Variants in ATRX observed in about 807,000 individuals in gnomAD.
ATRX encodes the protein chromatin remodeler ATRX.
In ATRX, 12 loss-of-function variants were observed where a neutral mutation model predicts 172.6. That is an observed-to-expected ratio of 0.07 (90% CI 0.04 to 0.11). ATRX has a LOEUF of 0.11. ATRX is among the 10% of genes least tolerant of loss of function. ATRX has a pLI of 1.00. For missense variants in ATRX, 1,368 were observed against 1,767.4 expected (o/e 0.77, Z 4.05); for synonymous variants, 674 against 594.7 (o/e 1.13, Z -1.94).
chrX:77,603,703 A>C (rs969165323), intron 22 of ATRX, among the ~76,000 whole-genome samples: 1 of 110,824 alleles, frequency 9.0e-6, no homozygotes, highest in African/African-American at 3.3e-5. Flanking sequence ...AACAAAGCTG[A>C]AGGTATCACA....
At chrX:77,614,569 G>A (rs185214002) in intron 22 of ATRX, among the ~76,000 whole-genome samples, 1 of 111,573 alleles carries the variant, frequency 9.0e-6, no homozygotes, top group East Asian at 2.8e-4. Flanking sequence ...CAAAAAGAGT[G>A]TTTTTTTAAA....
chrX:77,722,667 C>T (rs1465342585), intron 1 of ATRX, among the ~76,000 whole-genome samples: 4 of 111,562 alleles, frequency 3.6e-5, no homozygotes, highest in Non-Finnish European at 7.5e-5. Flanking sequence ...GTTAGAATGG[C>T]GAACATTAAA....
intron 1 of ATRX, among the ~76,000 whole-genome samples, chrX:77,772,373 T>A (rs1312943685): frequency 9.4e-6 from 1 of 106,748 alleles, no homozygotes; most frequent in Non-Finnish European, 1.9e-5. Context: ...GGCTCACTCT[T>A]GTAATCCCAG....
chrX:77,778,014 T>C (rs2148968105), intron 1 of ATRX, among the ~76,000 whole-genome samples: 1 of 107,930 alleles, frequency 9.3e-6, no homozygotes, highest in South Asian at 4.1e-4. Flanking sequence ...CTCACACCTG[T>C]AGTCCCAGCT....
At chrX:77,551,791 C>T (rs894186071) in intron 30 of ATRX, among the ~76,000 whole-genome samples, 2 of 111,720 alleles carry the variant, frequency 1.8e-5, no homozygotes, top group African/African-American at 6.5e-5. Flanking sequence ...CAAACAACCC[C>T]GTCAACAAGT....
intron 10 of ATRX, among the ~76,000 whole-genome samples, chrX:77,671,953 A>T (rs782145765): frequency 9.0e-6 from 1 of 111,088 alleles, no homozygotes; most frequent in East Asian, 2.8e-4. Flanking sequence ...GAAAAAAGAA[A>T]GCCAGTAACA....
intron 1 of ATRX, among the ~76,000 whole-genome samples, chrX:77,732,089 C>T (rs782664176): frequency 1.1e-4 from 12 of 111,883 alleles, no homozygotes; most frequent in Non-Finnish European, 1.5e-4. Flanking sequence ...TCAGGGGCCT[C>T]GGGGTCACAG....
intron 7 of ATRX, among the ~76,000 whole-genome samples, chrX:77,687,514 G>A (rs1337535288): frequency 8.9e-6 from 1 of 111,881 alleles, no homozygotes; most frequent in East Asian, 2.8e-4. Context: ...AAGGGAAAAG[G>A]TGCTCACTGA....
intron 1 of ATRX, 102 bp from the exon 2 acceptor site, chrX:77,717,345 T>C (rs1329551453): frequency 8.2e-6 from 5 of 612,239 alleles, no homozygotes; most frequent in Non-Finnish European, 1.3e-5. Context: ...CTGTAAGTCG[T>C]GTAAGAGTAT....
chrX:77,732,503 A>G (rs2074339770), intron 1 of ATRX, among the ~76,000 whole-genome samples: 1 of 112,174 alleles, frequency 8.9e-6, no homozygotes, highest in African/African-American at 3.2e-5. Context: ...ATGACAGGCC[A>G]ATATCTCTGA....
intron 22 of ATRX, among the ~76,000 whole-genome samples, chrX:77,604,789 AT>A (rs1261777476): frequency 3.5e-5 from 4 of 112,783 alleles, no homozygotes; most frequent in African/African-American, 1.3e-4. Context: ...AACACGTGGT[AT>A]ATATACACAG....
intron 25 of ATRX, among the ~76,000 whole-genome samples, chrX:77,598,208 CTT>C (rs1442852600): frequency 3.6e-5 from 4 of 111,073 alleles, no homozygotes; most frequent in Admixed American, 1.9e-4. Context: ...ACGGCGTGTT[CTT>C]ACATATAAGT....
In ATRX at chrX:77,521,390, C is replaced by T. The variant is rs1274339760; in HGVS notation, c.7071+13G>A. 2 of 1,183,553 alleles carry T rather than the reference C, an allele frequency of 1.7e-6. No individual in the cohort carries two copies. The highest frequency in any genetic ancestry group is 4.4e-5 in the Admixed American group (2 of 45,848). On this transcript the variant is annotated intron_variant, in intron 33 of 34. Coordinates refer to ENST00000373344, the MANE Select transcript of ATRX (RefSeq NM_000489.6). ...ATTGGAGGTTGGAATAAGACAATTG[C>T]CAATTAGCTTACTACAGCTGAAATT...
rs911557068 is a variant in ATRX at position 77,621,477 on chromosome X, T to A, written c.5135-945A>T. On this transcript the variant is annotated intron_variant, in intron 19 of 34. Transcript: ENST00000373344. The stretch of plus-strand genomic sequence containing the variant: ...GGTGCCCGCCACCATGCCTGGCTAA[T>A]TTTTTTGCATTTTTAGTAAAGACGA... Among the ~76,000 whole-genome samples, 66 of 110,495 alleles carry A rather than the reference T, an allele frequency of 6.0e-4. 5 individuals are homozygous for A. The highest frequency in any genetic ancestry group is 3.8e-5 in the Non-Finnish European group (2 of 52,818).
At chrX:77,670,049 C>A (rs889443027) in intron 10 of ATRX, among the ~76,000 whole-genome samples, 5 of 111,621 alleles carry the variant, frequency 4.5e-5, no homozygotes, top group African/African-American at 1.6e-4. Flanking sequence ...ATCCAGTATG[C>A]ACTCTAAAAT....
At chrX:77,518,949 C>T (rs1435664919) in intron 34 of ATRX, among the ~76,000 whole-genome samples, 25 of 111,775 alleles carry the variant, frequency 2.2e-4, no homozygotes, top group Non-Finnish European at 3.4e-4. Flanking sequence ...GATATCCATA[C>T]GCAGAACAAT....
At chrX:77,512,278 G>T (rs1205990603) in intron 34 of ATRX, among the ~76,000 whole-genome samples, 1 of 111,992 alleles carries the variant, frequency 8.9e-6, no homozygotes, top group Admixed American at 9.4e-5. Flanking sequence ...GAGAAATAAA[G>T]ACTTTCCCAC....
intron 1 of ATRX, among the ~76,000 whole-genome samples, chrX:77,756,732 C>A (rs782138211): frequency 4.5e-5 from 5 of 110,442 alleles, no homozygotes; most frequent in Admixed American, 3.9e-4. Flanking sequence ...AATCCCCCGC[C>A]TTCTACATTT....
intron 2 of ATRX, among the ~76,000 whole-genome samples, chrX:77,709,494 A>C (rs1260119200): frequency 2.7e-5 from 3 of 111,049 alleles, no homozygotes; most frequent in African/African-American, 9.8e-5. Context: ...CTTAATACCT[A>C]AGTGATGAAA....
Sources: gnomAD v4.1 joint callset for allele counts (sites outside exome capture counted in the v4.1 genomes callset) on GRCh38, gnomAD v4.1.1 for gene constraint, MANE v1.5 for transcripts, NCBI Gene and HGNC (gene_info 2026-07-23, HGNC 2026-07-21) for gene names.